AHCYL2: variants seen among roughly 807,000 people sequenced by gnomAD.
AHCYL2 encodes the protein S-adenosylhomocysteine hydrolase-like protein 2.
Under a neutral mutation model 81.4 loss-of-function variants are expected in AHCYL2, and 28 were observed. The observed-to-expected ratio is 0.34, with a 90% CI of 0.25 to 0.47. The LOEUF (loss-of-function observed/expected upper bound fraction) is 0.47. Among genes scored for constraint, AHCYL2 ranks in the 20% least tolerant of loss-of-function variants. The probability of loss-of-function intolerance (pLI) is 1.00; values close to 1 mark genes in which losing one functional copy is unlikely to be tolerated. For synonymous variants in AHCYL2, 272 were observed against 290.2 expected (o/e 0.94, Z 0.64); for missense variants, 551 against 785.1 (o/e 0.70, Z 3.56).
chr7:129,404,143 C>T (rs990614491), intron 7 of AHCYL2, among the ~76,000 whole-genome samples: 2 of 151,902 alleles, frequency 1.3e-5, no homozygotes, highest in African/African-American at 4.8e-5. Context: ...ATTTATTGAA[C>T]TTCTACAATG....
At chr7:129,288,507 C>T (rs1796719620) in intron 1 of AHCYL2, among the ~76,000 whole-genome samples, 1 of 151,908 alleles carries the variant, frequency 6.6e-6, no homozygotes, top group Non-Finnish European at 1.5e-5. Flanking sequence ...TTACAGAGGC[C>T]CGCCACCACG....
chr7:129,291,533 A>G (rs978066385), intron 1 of AHCYL2, among the ~76,000 whole-genome samples: 7 of 139,994 alleles, frequency 5.0e-5, no homozygotes, highest in African/African-American at 1.8e-4. Flanking sequence ...TTTTTTTTGC[A>G]GGATGGGGTG....
chr7:129,402,238 T>C (rs556560175), intron 6 of AHCYL2, among the ~76,000 whole-genome samples: 1 of 152,306 alleles, frequency 6.6e-6, no homozygotes, highest in Non-Finnish European at 1.5e-5. Flanking sequence ...ACTTGTAGTA[T>C]GGAGCAAGTA....
At chr7:129,422,421 T>C (rs914611534) in intron 12 of AHCYL2, among the ~76,000 whole-genome samples, 1 of 152,228 alleles carries the variant, frequency 6.6e-6, no homozygotes, top group East Asian at 1.9e-4. Context: ...TCAGCACTTA[T>C]ATATTCAGTT....
intron 1 of AHCYL2, among the ~76,000 whole-genome samples, chr7:129,354,965 T>A (rs1793688395): frequency 6.6e-6 from 1 of 151,964 alleles, no homozygotes; most frequent in Admixed American, 6.6e-5. Flanking sequence ...ATTTGCCTAG[T>A]CAGTAAAATT....
At chr7:129,297,627 C>CT (rs1348673794) in intron 1 of AHCYL2, among the ~76,000 whole-genome samples, 1 of 152,056 alleles carries the variant, frequency 6.6e-6, no homozygotes, top group African/African-American at 2.4e-5. Flanking sequence ...GGAAAAGTAA[C>CT]TTTTTTCTTG....
intron 2 of AHCYL2, among the ~76,000 whole-genome samples, chr7:129,381,036 C>T (rs1794931475): frequency 6.6e-6 from 1 of 152,132 alleles, no homozygotes; most frequent in Non-Finnish European, 1.5e-5. Context: ...TGCGCCAGGC[C>T]AGGAAACCTA....
Position 129,274,142 on chromosome 7 carries a change from T to C in AHCYL2, c.363+48703T>C, listed in dbSNP as rs762996686. ...AGAATTGTTATGGGCCAGTAACTGT[T>C]ATGTGTCTCCTGTTCCTTCTCCCTT... On this transcript the variant is annotated intron_variant, in intron 1 of 16. Coordinates refer to ENST00000325006, the MANE Select transcript of AHCYL2 (RefSeq NM_015328.4). Among the ~76,000 whole-genome samples the C allele has an allele frequency of 4.0e-4, 61 of 152,244 alleles. 2 individuals are homozygous for C. Among genetic ancestry groups the C allele is most frequent in the Non-Finnish European group, 8.8e-5 (6 of 68,042 alleles).
intron 4 of AHCYL2, among the ~76,000 whole-genome samples, chr7:129,389,982 A>G (rs1352722601): frequency 1.3e-5 from 2 of 152,200 alleles, no homozygotes; most frequent in Admixed American, 6.6e-5. Flanking sequence ...TTTTAACTTC[A>G]ATATACAGTA....
chr7:129,269,318 C>T (rs56147158), intron 1 of AHCYL2, among the ~76,000 whole-genome samples: 1 of 151,320 alleles, frequency 6.6e-6, no homozygotes, highest in African/African-American at 2.4e-5. Context: ...CAGAGTCTTG[C>T]TCTATTGGCC....
At chr7:129,356,529 C>A in intron 1 of AHCYL2, among the ~76,000 whole-genome samples, 1 of 152,136 alleles carries the variant, frequency 6.6e-6, no homozygotes, top group South Asian at 2.1e-4. Flanking sequence ...CTGCCTGTGT[C>A]TATTCCTTTT....
chr7:129,396,655 C>G (rs988977543), intron 4 of AHCYL2, among the ~76,000 whole-genome samples: 6 of 152,004 alleles, frequency 3.9e-5, no homozygotes, highest in Non-Finnish European at 8.8e-5. Flanking sequence ...AACTCCTGAC[C>G]TCAGGTGATC....
chr7:129,236,810 A>G (rs1204097429), intron 1 of AHCYL2, among the ~76,000 whole-genome samples: 1 of 152,162 alleles, frequency 6.6e-6, no homozygotes, highest in Non-Finnish European at 1.5e-5. Flanking sequence ...TTCTGACAGA[A>G]TGAGGCTGAG....
chr7:129,280,130 C>T lies in AHCYL2; in HGVS notation c.363+54691C>T, dbSNP rs151078257. Among the ~76,000 whole-genome samples, 321 of 148,462 alleles carry T rather than the reference C, an allele frequency of 2.2e-3. 1 individual carries two copies. The highest frequency in any genetic ancestry group is 7.4e-3 in the African/African-American group (301 of 40,768). On this transcript the variant is annotated intron_variant, in intron 1 of 16. Transcript: ENST00000325006. ...GCTTTTTGCTAATATACAGAAATAT[C>T]AATTGACTTTTATAAATTGATCTTA... is the stretch of plus-strand genomic sequence containing the variant.
intron 1 of AHCYL2, among the ~76,000 whole-genome samples, chr7:129,251,993 A>G (rs1373713878): frequency 6.6e-6 from 1 of 152,058 alleles, no homozygotes; most frequent in Admixed American, 6.6e-5. Context: ...TTTGTTAATT[A>G]TTTGGCTGGC....
intron 1 of AHCYL2, among the ~76,000 whole-genome samples, chr7:129,248,615 A>G (rs1795141633): frequency 6.9e-6 from 1 of 144,476 alleles, no homozygotes. Context: ...TAAATCCTGG[A>G]TACTATTTTT....
chr7:129,362,041 G>T (rs1244841123), intron 1 of AHCYL2, among the ~76,000 whole-genome samples: 2 of 152,124 alleles, frequency 1.3e-5, no homozygotes, highest in East Asian at 3.9e-4. Context: ...TTCAAACCAG[G>T]CAGTTGAGTA....
Position 129,426,301 on chromosome 7 carries a change from C to G in AHCYL2, c.1709-142C>G, listed in dbSNP as rs1003066990. On this transcript the variant is annotated intron_variant, in intron 15 of 16. Coordinates refer to ENST00000325006, the MANE Select transcript of AHCYL2 (RefSeq NM_015328.4). The surrounding 1 kb of genome is among the most constrained non-coding windows in gnomAD (Gnocchi z 4.3). ...GCAGCTATTCCTTAGAATTGAGGACCAGTGAGCGAAGGTTGAACATTTTTC... is the reference window on the plus strand; with the variant it reads ...GCAGCTATTCCTTAGAATTGAGGACGAGTGAGCGAAGGTTGAACATTTTTC... The G allele has an allele frequency of 1.6e-6, 2 of 1,230,246 alleles. No homozygotes were observed. Among genetic ancestry groups the G allele is most frequent in the East Asian group, 4.7e-5 (2 of 43,006 alleles). The allele number at this position is 1,230,246 out of a possible 1,614,324, so 76.2% of individuals were successfully genotyped here. A position where few individuals can be genotyped will look rare whatever the true frequency, so the allele number is the denominator to read the frequency against.
chr7:129,242,404 G>A (rs1391658873), intron 1 of AHCYL2, among the ~76,000 whole-genome samples: 1 of 151,492 alleles, frequency 6.6e-6, no homozygotes, highest in Non-Finnish European at 1.5e-5. Context: ...GTTTCTCCAG[G>A]ATGTATCTCT....
Sources: allele counts gnomAD v4.1 joint callset (sites outside exome capture counted in the v4.1 genomes callset), GRCh38; gene constraint gnomAD v4.1.1; non-coding constraint Gnocchi (gnomAD v3.1); transcripts MANE v1.5; gene names NCBI Gene and HGNC (gene_info 2026-07-23, HGNC 2026-07-21).